The following PXK variants were observed in gnomAD, a reference collection of about 807,000 sequenced individuals.
The protein encoded by PXK is PX domain containing serine/threonine kinase like, also known as PX domain-containing protein kinase-like protein.
Under a neutral mutation model 84.7 loss-of-function variants are expected in PXK, and 35 were observed. The observed-to-expected ratio is 0.41, with a 90% CI of 0.32 to 0.55. The LOEUF (loss-of-function observed/expected upper bound fraction) is 0.55. Ranked by LOEUF, PXK falls within the 20% of genes least tolerant of loss-of-function variation. The probability of loss-of-function intolerance (pLI) is 0.21; values close to 1 mark genes in which losing one functional copy is unlikely to be tolerated. For missense variants in PXK, 634 were observed against 699.7 expected (o/e 0.91, Z 1.06); for synonymous variants, 253 against 260.8 (o/e 0.97, Z 0.29).
chr3:58,393,630 T>G (rs572779893), intron 7 of PXK, among the ~76,000 whole-genome samples: 3 of 152,298 alleles, frequency 2.0e-5, no homozygotes, highest in Admixed American at 6.5e-5. Flanking sequence ...TCCAGCTTTT[T>G]GCTCTTATTT....
Position 58,421,006 on chromosome 3 carries a change from T to C in PXK, c.1529-3746T>C. 1 of 1,003,834 alleles carries C rather than the reference T, an allele frequency of 1.0e-6. No homozygotes were observed. The highest frequency in any genetic ancestry group is 1.2e-6 in the Non-Finnish European group (1 of 841,896). 62.2% of individuals were successfully genotyped at this position (1,003,834 alleles called of 1,614,324 possible). ...ACTTACTGGCTTTTATAACTGACGGTAGGGAAAAACAGTTCTTTTGTAAGC... is the reference window on the plus strand; with the variant it reads ...ACTTACTGGCTTTTATAACTGACGGCAGGGAAAAACAGTTCTTTTGTAAGC... On this transcript the variant is annotated intron_variant, in intron 17 of 17. Transcript: ENST00000356151. This position sits in a 1 kb window ranked among gnomAD's most constrained non-coding sequence, Gnocchi z 5.5.
rs546706668 is a variant in PXK, at chr3:58,401,482, C to T, written c.1181+2105C>T. ...TACAACAACAACAAAATTAGCTAGG[C>T]GTGGTGGTGTGCACCAAGTAATAAT... On this transcript the variant is annotated intron_variant, in intron 12 of 17. Transcript: ENST00000356151. This position sits in a 1 kb window ranked among gnomAD's most constrained non-coding sequence, Gnocchi z 4.4. 2.0e-4 allele frequency among the ~76,000 whole-genome samples: 31 copies of T among 152,164 alleles called. No homozygotes were observed. Among genetic ancestry groups the T allele is most frequent in the African/African-American group, 7.2e-4 (30 of 41,514 alleles).
In PXK at chr3:58,379,461, G is replaced by T; in HGVS notation, c.202-3053G>T. On this transcript the variant is annotated intron_variant, in intron 3 of 17. Transcript: ENST00000356151. This position sits in a 1 kb window ranked among gnomAD's most constrained non-coding sequence, Gnocchi z 5.1. ...ATCTTCCCATAATTCTGGCAAAAAG[G>T]AGTCCTGGGATACCTCTGAAGTGTG... is the stretch of plus-strand genomic sequence containing the variant. The T allele has an allele frequency of 6.3e-6, 1 of 159,028 alleles. No individual in the cohort carries two copies. The allele number at this position is 159,028 out of a possible 1,614,324, so 9.9% of individuals were successfully genotyped here.
At chr3:58,387,820 A>T (rs576650658) in intron 4 of PXK, among the ~76,000 whole-genome samples, 2 of 152,178 alleles carry the variant, frequency 1.3e-5, no homozygotes, top group Non-Finnish European at 2.9e-5. Context: ...AGAGGGAGAG[A>T]GTCCTGGCTA....
At chr3:58,352,577 AT>A (rs949324321) in intron 1 of PXK, among the ~76,000 whole-genome samples, 34 of 151,746 alleles carry the variant, frequency 2.2e-4, no homozygotes, top group African/African-American at 7.7e-4. Flanking sequence ...AAAGTTTGGT[AT>A]TTTTTTTCTT....
In PXK at chr3:58,401,333, G is replaced by A. The variant is rs1408527839; in HGVS notation, c.1181+1956G>A. 1.3e-5 allele frequency among the ~76,000 whole-genome samples: 2 copies of A among 152,138 alleles called. No homozygotes were observed. The highest frequency in any genetic ancestry group is 2.9e-5 in the Non-Finnish European group (2 of 68,046). ...CCCATCTTTAAAAAAGAGTAATATA[G>A]CTGGGCGCGGTGGCTCACACCTATA... On this transcript the variant is annotated intron_variant, in intron 12 of 17. Coordinates refer to ENST00000356151, the MANE Select transcript of PXK (RefSeq NM_017771.5). This position sits in a 1 kb window ranked among gnomAD's most constrained non-coding sequence, Gnocchi z 4.4.
rs1004693731 is a variant in PXK, at chr3:58,391,625, C to G, written c.541-148C>G. On this transcript the variant is annotated intron_variant, in intron 6 of 17. Transcript: ENST00000356151. Reference sequence around the variant, plus strand: ...TCTGGTATTTTTACACACTGCTTCTCCAGAAAGGTCTTGAGGCAGCCAGAC... The same window carrying G: ...TCTGGTATTTTTACACACTGCTTCTGCAGAAAGGTCTTGAGGCAGCCAGAC... 2.9e-5 allele frequency: 21 copies of G among 718,020 alleles called. No homozygotes were observed. In the East Asian group the frequency reaches 5.6e-4, roughly 19 times the overall value. The allele number at this position is 718,020 out of a possible 1,614,324, so 44.5% of individuals were successfully genotyped here.
chr3:58,421,781 T>C lies in PXK; in HGVS notation c.1529-2971T>C. 1 of 985,402 alleles carries C rather than the reference T, an allele frequency of 1.0e-6. No homozygotes were observed. Among genetic ancestry groups the C allele is most frequent in the Non-Finnish European group, 1.2e-6 (1 of 829,930 alleles). 61.0% of individuals were successfully genotyped at this position (985,402 alleles called of 1,614,324 possible). On this transcript the variant is annotated intron_variant, in intron 17 of 17. Coordinates refer to ENST00000356151, the MANE Select transcript of PXK (RefSeq NM_017771.5). This position sits in a 1 kb window ranked among gnomAD's most constrained non-coding sequence, Gnocchi z 5.5. ...ATTTTGGGGTGGGTAGAGTAAGTAG[T>C]TGGCTCTCAGGGATTTTGTCTAAGA...
At chr3:58,402,571 A>G (rs1201785653) in intron 12 of PXK, among the ~76,000 whole-genome samples, 1 of 151,482 alleles carries the variant, frequency 6.6e-6, no homozygotes, top group East Asian at 1.9e-4. Flanking sequence ...CTGGAACTAC[A>G]GGTGCGTGCC....
chr3:58,403,225 G>A (rs979198232), intron 12 of PXK, among the ~76,000 whole-genome samples: 4 of 151,882 alleles, frequency 2.6e-5, no homozygotes, highest in African/African-American at 9.7e-5. Context: ...CTCTGGTCTC[G>A]AAACCCTGAC....
rs143627192 is a variant in PXK at position 58,342,888 on chromosome 3, A to G, written c.102+9798A>G. 1.5e-3 allele frequency among the ~76,000 whole-genome samples: 228 copies of G among 152,316 alleles called. 4 individuals are homozygous for G. In the East Asian group the frequency reaches 0.04, roughly 27 times the overall value. On this transcript the variant is annotated intron_variant, in intron 1 of 17. Transcript: ENST00000356151. ...TGTGTGCACAGATGACTTATTAGAC[A>G]GTGGCATGGGGAAGGGCAAAGGGCT...
chr3:58,345,653 G>A (rs2097801607), intron 1 of PXK, among the ~76,000 whole-genome samples: 1 of 152,152 alleles, frequency 6.6e-6, no homozygotes, highest in Non-Finnish European at 1.5e-5. Context: ...CTGTGTAATG[G>A]TAAAAACTGT....
intron 3 of PXK, among the ~76,000 whole-genome samples, chr3:58,378,317 G>A (rs1334726638): frequency 6.6e-6 from 1 of 151,842 alleles, no homozygotes; most frequent in East Asian, 1.9e-4. Context: ...GGGTCATCTG[G>A]TAAAATAAAG....
In PXK at chr3:58,412,510, C is replaced by G. The variant is rs911739283; in HGVS notation, c.1466-391C>G. Among the ~76,000 whole-genome samples, 8 of 152,114 alleles carry G rather than the reference C, an allele frequency of 5.3e-5. No individual in the cohort carries two copies. The highest frequency in any genetic ancestry group is 7.4e-5 in the Non-Finnish European group (5 of 68,022). ...GGGCACTCCCTTCCTTTGGAAGCCC[C>G]CAGCAGGCTGCTCTGCACCTCTCTG... On this transcript the variant is annotated intron_variant, in intron 16 of 17. Coordinates refer to ENST00000356151, the MANE Select transcript of PXK (RefSeq NM_017771.5). The surrounding 1 kb of genome is among the most constrained non-coding windows in gnomAD (Gnocchi z 6.2).
rs765768894 is a variant in PXK at position 58,348,754 on chromosome 3, T to TA, written c.102+15678dup. On this transcript the variant is annotated intron_variant, in intron 1 of 17. Coordinates refer to ENST00000356151, the MANE Select transcript of PXK (RefSeq NM_017771.5). The stretch of plus-strand genomic sequence containing the variant: ...AGCAAGATCTAGTCTCTACAAAACT[T>TA]AAAAAAAAAAAAAAGTCAGGTGTGG... Among the ~76,000 whole-genome samples, 505 of 138,396 alleles carry TA rather than the reference T, an allele frequency of 3.6e-3. 3 individuals are homozygous for TA. The highest frequency in any genetic ancestry group is 1.0e-2 in the African/African-American group (377 of 37,848). 90.8% of individuals were successfully genotyped at this position (138,396 alleles called of 152,430 possible).
At chr3:58,362,996 A>G (rs2098213875) in intron 1 of PXK, among the ~76,000 whole-genome samples, 2 of 152,198 alleles carry the variant, frequency 1.3e-5, no homozygotes, top group African/African-American at 4.8e-5. Context: ...GATTATAGTC[A>G]TGAGCCGCTG....
At chr3:58,402,003 G>C (rs1364271326) in intron 12 of PXK, among the ~76,000 whole-genome samples, 1 of 152,116 alleles carries the variant, frequency 6.6e-6, no homozygotes, top group Non-Finnish European at 1.5e-5. Flanking sequence ...TGGGAGGATT[G>C]ATTGAGCCCA....
In PXK at chr3:58,421,212, T is replaced by C; in HGVS notation, c.1529-3540T>C. 1.0e-6 allele frequency: 1 copy of C among 985,396 alleles called. No homozygotes were observed. Among genetic ancestry groups the C allele is most frequent in the Non-Finnish European group, 1.2e-6 (1 of 829,930 alleles). The allele number at this position is 985,396 out of a possible 1,614,324, so 61.0% of individuals were successfully genotyped here. On this transcript the variant is annotated intron_variant, in intron 17 of 17. Transcript: ENST00000356151. This position sits in a 1 kb window ranked among gnomAD's most constrained non-coding sequence, Gnocchi z 5.5. ...TGGCCACTTGGCCTCCCTTCCTGTATGTGACCACAAAGGAGCTCAGAATTA... is the reference window on the plus strand; with the variant it reads ...TGGCCACTTGGCCTCCCTTCCTGTACGTGACCACAAAGGAGCTCAGAATTA...
intron 3 of PXK, among the ~76,000 whole-genome samples, chr3:58,369,905 A>G (rs1559954060): frequency 6.6e-6 from 1 of 152,236 alleles, no homozygotes; most frequent in African/African-American, 2.4e-5. Context: ...GTCAAAGAAA[A>G]TAAATTCATA....
Sources: gnomAD v4.1 joint callset for allele counts (sites outside exome capture counted in the v4.1 genomes callset) on GRCh38, gnomAD v4.1.1 for gene constraint, Gnocchi (gnomAD v3.1) non-coding constraint, MANE v1.5 for transcripts, NCBI Gene and HGNC (gene_info 2026-07-23, HGNC 2026-07-21) for gene names.